NCOR1: variants seen among roughly 807,000 people sequenced by gnomAD.
NCOR1 encodes protein phosphatase 1, regulatory subunit 109.
In NCOR1, 63 loss-of-function variants were observed where a neutral mutation model predicts 288.1. The observed-to-expected ratio is 0.22, with a 90% CI of 0.18 to 0.27. NCOR1 has a LOEUF of 0.27. Among genes scored for constraint, NCOR1 ranks in the 10% least tolerant of loss-of-function variants. The probability of loss-of-function intolerance (pLI) is 1.00; values close to 1 mark genes in which losing one functional copy is unlikely to be tolerated. For synonymous variants in NCOR1, 1,007 were observed against 1,065.9 expected (o/e 0.94, Z 1.08); for missense variants, 2,397 against 3,019.2 (o/e 0.79, Z 4.83).
chr17:16,088,902 C>G (rs566854122), intron 22 of NCOR1, among the ~76,000 whole-genome samples: 1 of 151,968 alleles, frequency 6.6e-6, no homozygotes, highest in Non-Finnish European at 1.5e-5. Context: ...TCCATCAAGA[C>G]GATGGTACTT....
intron 22 of NCOR1, chr17:16,087,189 CG>C: frequency 2.3e-6 from 3 of 1,303,980 alleles, no homozygotes; most frequent in Non-Finnish European, 3.0e-6. Context: ...GACACTATAG[CG>C]GGCTGCACTC....
At chr17:16,167,672 CA>C (rs1401758116) in intron 4 of NCOR1, among the ~76,000 whole-genome samples, 3 of 151,660 alleles carry the variant, frequency 2.0e-5, no homozygotes, top group Admixed American at 6.6e-5. Context: ...CCAGCCTGGC[CA>C]ACATGGTAAA....
rs777533528 is a variant in NCOR1 at position 16,032,304 on chromosome 17, C to T, written c.7315G>A (p.Asp2439Asn). 1 of 1,611,792 alleles carries T rather than the reference C, an allele frequency of 6.2e-7. No individual in the cohort carries two copies. The highest frequency in any genetic ancestry group is 8.5e-7 in the Non-Finnish European group (1 of 1,179,244). The change falls in exon 46 of 46, where the codon GAT becomes AAT. Residue 2439 changes from aspartate (D) to asparagine (N), a missense_variant. By Grantham distance (23) the Asp-to-Asn change is conservative. Transcript: ENST00000268712. ...SAQYETLSDS[D>N]D ...CCCTCACTTTGTGCAGTTCAGTCAT[C>T]ACTATCCGACAGGGTCTCGTACTGT...
In NCOR1 at chr17:16,070,148, C is replaced by A. The variant is rs1283991933; in HGVS notation, c.4513+17G>T. Reference sequence around the variant, plus strand: ...ATGCAATAAAAAGTATCAGACCAAGCAACAAAAGTAACATACCATCAGAAG... The same window carrying A: ...ATGCAATAAAAAGTATCAGACCAAGAAACAAAAGTAACATACCATCAGAAG... On this transcript the variant is annotated intron_variant, in intron 31 of 45. Coordinates refer to ENST00000268712, the MANE Select transcript of NCOR1 (RefSeq NM_006311.4). The A allele has an allele frequency of 1.4e-5, 22 of 1,557,906 alleles. No homozygotes were observed. Among genetic ancestry groups the A allele is most frequent in the Non-Finnish European group, 1.5e-5 (17 of 1,155,590 alleles).
At chr17:16,181,074 G>A (rs1568518001) in intron 3 of NCOR1, among the ~76,000 whole-genome samples, 2 of 152,104 alleles carry the variant, frequency 1.3e-5, no homozygotes, top group South Asian at 4.1e-4. Flanking sequence ...CAGGAGAACT[G>A]CTTGAACCCA....
Position 16,213,049 on chromosome 17 carries a change from C to T in NCOR1, c.-71+2313G>A, listed in dbSNP as rs1442274451. ...GTATTTCAGCCTGGGCAAAAGAGAC[C>T]CTGTCTCCAAAAAAAAAAAAAAAAA... On this transcript the variant is annotated intron_variant, in intron 1 of 45. Coordinates refer to ENST00000268712, the MANE Select transcript of NCOR1 (RefSeq NM_006311.4). Among the ~76,000 whole-genome samples, 4 of 124,998 alleles carry T rather than the reference C, an allele frequency of 3.2e-5. No individual in the cohort carries two copies. The Admixed American group carries it at 3.3e-4, about 10-fold the overall frequency. 82.0% of individuals were successfully genotyped at this position (124,998 alleles called of 152,430 possible). A position where few individuals can be genotyped will look rare whatever the true frequency, so the allele number is the denominator to read the frequency against.
rs2067562905 is a variant in NCOR1, at chr17:16,101,163, G to C, written c.2690+87C>G. 3 of 1,353,002 alleles carry C rather than the reference G, an allele frequency of 2.2e-6. No individual in the cohort carries two copies. The African/African-American group carries it at 4.4e-5, about 20-fold the overall frequency. 83.8% of individuals were successfully genotyped at this position (1,353,002 alleles called of 1,614,324 possible). On this transcript the variant is annotated intron_variant, in intron 20 of 45. Transcript: ENST00000268712. The stretch of plus-strand genomic sequence containing the variant: ...CTATAACGTGCCAATATTTACATAG[G>C]AGACATGTCTGCAGCCAGCACCACC...
At position 16,062,090 on chromosome 17, in the gene NCOR1, G is replaced by A. The variant is rs778071624; in HGVS notation, c.5387+15C>T. 8.1e-6 allele frequency: 13 copies of A among 1,609,276 alleles called. No individual in the cohort carries two copies. The highest frequency in any genetic ancestry group is 1.0e-5 in the Non-Finnish European group (12 of 1,178,996). ...CAAGAGACATTTTTTGTCAAAATAT[G>A]TACAAGAGACTGACATGATTCGTAG... On this transcript the variant is annotated intron_variant, in intron 36 of 45. Coordinates refer to ENST00000268712, the MANE Select transcript of NCOR1 (RefSeq NM_006311.4).
intron 31 of NCOR1, 143 bp downstream of exon 31, chr17:16,070,022 C>T (rs1188081974): frequency 7.7e-6 from 8 of 1,045,516 alleles, no homozygotes; most frequent in African/African-American, 1.6e-5. Flanking sequence ...TAGTAGCCTT[C>T]CATACTCCTA....
At chr17:16,099,615 C>G (rs1279181062) in intron 20 of NCOR1, among the ~76,000 whole-genome samples, 1 of 152,104 alleles carries the variant, frequency 6.6e-6, no homozygotes, top group Admixed American at 6.5e-5. Context: ...TTTTCCTTCA[C>G]GTATAGTTAC....
intron 3 of NCOR1, among the ~76,000 whole-genome samples, chr17:16,185,987 T>C (rs1460387756): frequency 6.6e-6 from 1 of 151,612 alleles, no homozygotes; most frequent in African/African-American, 2.4e-5. Context: ...GAGAATGAAG[T>C]AAAAGAAAGC....
chr17:16,057,861 T>C (rs1468061108), intron 39 of NCOR1, 46 bp downstream of exon 39: 1 of 1,539,066 alleles, frequency 6.5e-7, no homozygotes, highest in Non-Finnish European at 8.7e-7. Flanking sequence ...GCTTTCCCCA[T>C]GATCAAAAAA....
intron 30 of NCOR1, 68 bp from the exon 31 acceptor site, chr17:16,070,593 G>A (rs1043944709): frequency 1.2e-4 from 180 of 1,558,926 alleles, no homozygotes; most frequent in Non-Finnish European, 1.4e-4. Flanking sequence ...TCAGGTCTAT[G>A]TCTGGCCCAT....
chr17:16,043,290 G>A (rs1488580802), intron 42 of NCOR1, among the ~76,000 whole-genome samples: 1 of 152,146 alleles, frequency 6.6e-6, no homozygotes, highest in Non-Finnish European at 1.5e-5. Context: ...GGCTGCTGAT[G>A]GCTTTCATTT....
intron 21 of NCOR1, among the ~76,000 whole-genome samples, chr17:16,097,095 C>A (rs966539148): frequency 6.6e-6 from 1 of 152,216 alleles, no homozygotes; most frequent in South Asian, 2.1e-4. Context: ...TTTGGTCCTT[C>A]TCCCAAAGAC....
At chr17:16,101,789 A>T (rs771095752) in intron 19 of NCOR1, 32 bp from the exon 20 acceptor site, 15 of 1,612,588 alleles carry the variant, frequency 9.3e-6, no homozygotes, top group Non-Finnish European at 1.3e-5. Flanking sequence ...TTTCTGTATC[A>T]GAACTATTTT....
chr17:16,087,648 A>G (rs1377346689), intron 22 of NCOR1, among the ~76,000 whole-genome samples: 1 of 152,248 alleles, frequency 6.6e-6, no homozygotes, highest in East Asian at 1.9e-4. Context: ...CAGATTATCA[A>G]GCAATTCTGT....
At chr17:16,058,214 A>AC in intron 38 of NCOR1, 150 bp from the exon 39 acceptor site, 1 of 986,594 alleles carries the variant, frequency 1.0e-6, no homozygotes, top group Non-Finnish European at 1.4e-6. Context: ...GAAAAAAAAA[A>AC]TTATTCACTG....
chr17:16,166,679 C>CA lies in NCOR1; in HGVS notation c.436-1519dup, dbSNP rs374772680. The stretch of plus-strand genomic sequence containing the variant: ...TGGGTGACAGAGCAAGACTCCATCT[C>CA]AAAAAAAAAGAAAAAAAAATCAGAT... On this transcript the variant is annotated intron_variant, in intron 4 of 45. Coordinates refer to ENST00000268712, the MANE Select transcript of NCOR1 (RefSeq NM_006311.4). 5.4e-5 allele frequency among the ~76,000 whole-genome samples: 8 copies of CA among 146,790 alleles called. No individual in the cohort carries two copies. The South Asian group carries it at 6.5e-4, about 12-fold the overall frequency.
Sources: gnomAD v4.1 joint callset for allele counts (sites outside exome capture counted in the v4.1 genomes callset) on GRCh38, gnomAD v4.1.1 for gene constraint, MANE v1.5 for transcripts, NCBI Gene and HGNC (gene_info 2026-07-23, HGNC 2026-07-21) for gene names.